Variants in SEMA3A observed in about 807,000 individuals in gnomAD.
SEMA3A encodes semaphorin-3A.
In SEMA3A, 29 loss-of-function variants were observed where a neutral mutation model predicts 97.9. The observed-to-expected ratio is 0.30, with a 90% CI of 0.22 to 0.40. The LOEUF is 0.40. SEMA3A is among the 10% of genes least tolerant of loss of function. The pLI, the probability that SEMA3A is intolerant of heterozygous loss-of-function variation, is 1.00. For missense variants in SEMA3A, 763 were observed against 951.3 expected (o/e 0.80, Z 2.60); for synonymous variants, 321 against 323.7 (o/e 0.99, Z 0.09).
chr7:84,386,697 A>G (rs897680101), intron 1 of SEMA3A, among the ~76,000 whole-genome samples: 2 of 152,158 alleles, frequency 1.3e-5, no homozygotes, highest in African/African-American at 2.4e-5. Flanking sequence ...AGTATATTCC[A>G]ATACTTAAGA....
intron 3 of SEMA3A, among the ~76,000 whole-genome samples, chr7:84,203,325 CT>C (rs1255619677): frequency 4.7e-5 from 7 of 148,844 alleles, no homozygotes; most frequent in Middle Eastern, 3.5e-3. Flanking sequence ...GAAGAGAAGC[CT>C]TTTTTTTTCT....
At chr7:84,015,802 A>G (rs1253665653) in intron 6 of SEMA3A, among the ~76,000 whole-genome samples, 3 of 152,176 alleles carry the variant, frequency 2.0e-5, no homozygotes, top group African/African-American at 7.2e-5. Context: ...GCATTCAAGT[A>G]TATTTCACAA....
At chr7:84,161,077 A>G (rs1216051299) in intron 1 of SEMA3A, among the ~76,000 whole-genome samples, 1 of 151,350 alleles carries the variant, frequency 6.6e-6, no homozygotes, top group African/African-American at 2.4e-5. Flanking sequence ...AAGAATTTTA[A>G]AATTTAGGCC....
intron 3 of SEMA3A, among the ~76,000 whole-genome samples, chr7:84,285,950 A>G (rs2115763110): frequency 6.7e-6 from 1 of 149,702 alleles, no homozygotes; most frequent in Non-Finnish European, 1.5e-5. Flanking sequence ...GAGCCTGCAT[A>G]ACAGAATCAG....
intron 3 of SEMA3A, among the ~76,000 whole-genome samples, chr7:84,226,946 C>A (rs1178050634): frequency 6.6e-6 from 1 of 151,982 alleles, no homozygotes; most frequent in Non-Finnish European, 1.5e-5. Flanking sequence ...ACTGATTCAA[C>A]CCTCATTATT....
intron 2 of SEMA3A, among the ~76,000 whole-genome samples, chr7:84,356,445 A>G (rs929134084): frequency 2.0e-5 from 3 of 151,552 alleles, no homozygotes; most frequent in African/African-American, 7.2e-5. Context: ...GTATATTATA[A>G]GAAAATGGTG....
intron 10 of SEMA3A, 23 bp from the exon 11 acceptor site, chr7:84,005,581 A>ATCT: frequency 6.9e-7 from 1 of 1,449,242 alleles, no homozygotes; most frequent in Non-Finnish European, 9.6e-7. Context: ...AGAGAAAATT[A>ATCT]TCTTTTGATT....
chr7:84,012,580 TCAAA>T (rs1306714679), intron 7 of SEMA3A, among the ~76,000 whole-genome samples: 2 of 152,146 alleles, frequency 1.3e-5, no homozygotes, highest in East Asian at 3.8e-4. Context: ...AAAATAGATC[TCAAA>T]CAAAAGCACG....
chr7:84,442,209 T>G (rs2116342621), intron 1 of SEMA3A, among the ~76,000 whole-genome samples: 1 of 152,288 alleles, frequency 6.6e-6, no homozygotes, highest in Middle Eastern at 3.4e-3. Context: ...TCATTGTAAC[T>G]TTGGTTTGTA....
chr7:84,230,583 T>C (rs973135094), intron 3 of SEMA3A, among the ~76,000 whole-genome samples: 2 of 151,998 alleles, frequency 1.3e-5, no homozygotes, highest in African/African-American at 4.8e-5. Context: ...ATGCGTCTCC[T>C]AGGTTTTATT....
chr7:84,128,693 GAC>G (rs1312371689), intron 3 of SEMA3A, among the ~76,000 whole-genome samples: 1 of 152,086 alleles, frequency 6.6e-6, no homozygotes, highest in African/African-American at 2.4e-5. Flanking sequence ...AAAAATAGAT[GAC>G]AGAGTAATAA....
exon 1 of SEMA3A, chr7:84,492,724 C>G (rs995531875): frequency 6.6e-6 from 1 of 150,968 alleles, no homozygotes; most frequent in Admixed American, 6.6e-5. Context: ...GGCTTCATCT[C>G]TATTAGAGCT....
chr7:84,032,270 G>A (rs1791789299), intron 6 of SEMA3A, among the ~76,000 whole-genome samples: 1 of 152,068 alleles, frequency 6.6e-6, no homozygotes, highest in South Asian at 2.1e-4. Flanking sequence ...ATGAGTTAGG[G>A]ACCAGGAAAG....
intron 3 of SEMA3A, among the ~76,000 whole-genome samples, chr7:84,212,846 T>G (rs1176553424): frequency 6.6e-6 from 1 of 152,192 alleles, no homozygotes; most frequent in Non-Finnish European, 1.5e-5. Flanking sequence ...TCTGCATATG[T>G]GTGTTTATCA....
chr7:84,056,392 G>A (rs1459714517), intron 5 of SEMA3A, among the ~76,000 whole-genome samples: 1 of 152,152 alleles, frequency 6.6e-6, no homozygotes, highest in Admixed American at 6.5e-5. Context: ...GAAGGGTGTG[G>A]TGAGGAGAAA....
At chr7:84,137,400 CA>C (rs59886680) in intron 1 of SEMA3A, among the ~76,000 whole-genome samples, 87 of 100,594 alleles carry the variant, frequency 8.6e-4, no homozygotes, top group East Asian at 1.4e-3. Context: ...CATTCAGTCT[CA>C]AAAAAAAAAA....
intron 2 of SEMA3A, among the ~76,000 whole-genome samples, chr7:84,308,090 A>C (rs1159638620): frequency 3.3e-5 from 5 of 152,112 alleles, no homozygotes; most frequent in Admixed American, 6.6e-5. Context: ...AATCTTATTA[A>C]AGTAAAGAAA....
chr7:84,215,544 C>G (rs1317719650), intron 3 of SEMA3A, among the ~76,000 whole-genome samples: 2 of 152,180 alleles, frequency 1.3e-5, no homozygotes, highest in African/African-American at 4.8e-5. Context: ...TCAATTTAAA[C>G]CAGTAACTCT....
At chr7:84,480,726 C>A (rs539200150) in intron 1 of SEMA3A, among the ~76,000 whole-genome samples, 2 of 152,110 alleles carry the variant, frequency 1.3e-5, no homozygotes, top group East Asian at 3.9e-4. Context: ...GTAACTACCC[C>A]CGAAGTGTTA....
Sources: gnomAD v4.1 joint callset for allele counts (sites outside exome capture counted in the v4.1 genomes callset) on GRCh38, gnomAD v4.1.1 for gene constraint, MANE v1.5 for transcripts, NCBI Gene and HGNC (gene_info 2026-07-23, HGNC 2026-07-21) for gene names.